The following AMOTL2 variants were observed in gnomAD, a reference collection of about 807,000 sequenced individuals.
AMOTL2 encodes the protein angiomotin-like protein 2.
A neutral mutation model predicts 78.4 loss-of-function variants in AMOTL2; 33 were observed. The ratio of observed to expected loss-of-function variants is 0.42; its 90% CI spans 0.32 to 0.56. The LOEUF (loss-of-function observed/expected upper bound fraction) is 0.56, where lower values mean the gene tolerates loss of function less well. Among genes scored for constraint, AMOTL2 ranks in the 20% least tolerant of loss-of-function variants. The probability of loss-of-function intolerance (pLI) is 0.12; values close to 1 mark genes in which losing one functional copy is unlikely to be tolerated. For synonymous variants in AMOTL2, 422 were observed against 428.8 expected (o/e 0.98, Z 0.20); for missense variants, 983 against 1,030.1 (o/e 0.95, Z 0.63).
chr3:134,367,448 C>T, intron 3 of AMOTL2, 49 bp downstream of exon 3: 1 of 1,594,158 alleles, frequency 6.3e-7, no homozygotes, highest in South Asian at 1.1e-5. Flanking sequence ...CAGGTAGCCC[C>T]TCGGGGTCTC....
At position 134,356,810 on chromosome 3, in the gene AMOTL2, G is replaced by C. The variant is rs1256244388; in HGVS notation, c.*895C>G. On this transcript the variant is annotated 3_prime_UTR_variant, in exon 10 of 10. Coordinates refer to ENST00000249883, the MANE Select transcript of AMOTL2 (RefSeq NM_016201.4). ...AGGATGTTCCAGGGACAGGAGCTGT[G>C]GAGCCACTTCAAGAGGCTGGTGGTG... 1.3e-5 allele frequency: 2 copies of C among 152,686 alleles called. No homozygotes were observed. Among genetic ancestry groups the C allele is most frequent in the Non-Finnish European group, 2.9e-5 (2 of 68,186 alleles). 9.5% of individuals were successfully genotyped at this position (152,686 alleles called of 1,614,324 possible).
rs369656142 is a variant in AMOTL2, at chr3:134,367,693, T to C, written c.845A>G (p.His282Arg). Residue 282 changes from histidine (H) to arginine (R), a missense_variant, in exon 3 of 10, where the codon CAT (histidine) becomes CGT (arginine). By Grantham distance (29) the His-to-Arg change is conservative. Transcript: ENST00000249883. Reference sequence around the variant, plus strand: ...TGGACTGAGGGAGCTCAGGGGGCCATGGCCGAGAGCAGCTGGATGTGGGGG... The same window carrying C: ...TGGACTGAGGGAGCTCAGGGGGCCACGGCCGAGAGCAGCTGGATGTGGGGG... ...PPPPHPAALG[H>R]GPLSSLSPPA... 6.2e-7 allele frequency: 1 copy of C among 1,613,428 alleles called. No individual in the cohort carries two copies. Among genetic ancestry groups the C allele is most frequent in the Non-Finnish European group, 8.5e-7 (1 of 1,179,964 alleles).
Position 134,370,872 on chromosome 3 carries a change from C to T in AMOTL2, c.562G>A (p.Ala188Thr), listed in dbSNP as rs1332654287. The T allele has an allele frequency of 6.2e-7, 1 of 1,608,646 alleles. No individual in the cohort carries two copies. Among genetic ancestry groups the T allele is most frequent in the African/African-American group, 1.3e-5 (1 of 74,946 alleles). ...MSSSHSFPQL[A>T]RNQQGPPLRG... ...AGTGGGGGGCCCTGCTGGTTGCGGG[C>T]CAGCTGTGGGAAGCTGTGGGAGGAG... Residue 188 changes from alanine to threonine, a missense_variant, in exon 2 of 10, where the codon GCC (alanine) becomes ACC (threonine). Coordinates refer to ENST00000249883, the MANE Select transcript of AMOTL2 (RefSeq NM_016201.4).
rs2017364576 is a variant in AMOTL2 at position 134,361,550 on chromosome 3, G to A, written c.1537C>T (p.Arg513Cys). The change falls in exon 6 of 10, where the codon CGC (arginine) becomes TGC (cysteine). Residue 513 changes from arginine (R) to cysteine (C), a missense_variant. Coordinates refer to ENST00000249883, the MANE Select transcript of AMOTL2 (RefSeq NM_016201.4). ...REQLELRLRTRLEQELKALRA... is the reference protein window; with the variant it reads ...REQLELRLRTCLEQELKALRA... ...AGGGCCTTGAGTTCCTGCTCCAGGC[G>A]AGTCCGCAGACGCAGCTCCAGCTGC... 1.7e-5 allele frequency: 28 copies of A among 1,613,112 alleles called. No individual in the cohort carries two copies. The highest frequency in any genetic ancestry group is 2.2e-5 in the Non-Finnish European group (26 of 1,179,790).
At chr3:134,374,300 T>C (rs1052083468) in intron 1 of AMOTL2, 42 bp downstream of exon 1, 5 of 985,320 alleles carry the variant, frequency 5.1e-6, no homozygotes, top group Admixed American at 6.1e-5. Context: ...CACGTTTCTG[T>C]GGCCTCGCGC....
chr3:134,365,665 A>G (rs1451335205), intron 5 of AMOTL2, 152 bp downstream of exon 5: 4 of 643,378 alleles, frequency 6.2e-6, no homozygotes, highest in Non-Finnish European at 1.1e-5. Context: ...CTATCCCCAG[A>G]TCCAGTCTAG....
intron 5 of AMOTL2, 77 bp from the exon 6 acceptor site, chr3:134,361,884 C>T: frequency 8.0e-7 from 1 of 1,254,770 alleles, no homozygotes; most frequent in Admixed American, 2.7e-5. Flanking sequence ...TCAGTGCTGA[C>T]CACTGGATGA....
rs1166778599 is a variant in AMOTL2, at chr3:134,360,170, G to C, written c.1819C>G (p.Pro607Ala). Residue 607 changes from proline (P) to alanine (A), a missense_variant, in exon 7 of 10, where the codon CCC becomes GCC. Pro to Ala is a conservative substitution (Grantham distance 27, BLOSUM62 -1). Coordinates refer to ENST00000249883, the MANE Select transcript of AMOTL2 (RefSeq NM_016201.4). ...AGACCCTCATTGAAGCTGCTGCTGG[G>C]TGAGGGCTGGGGGGAATGTCGGATG... ...TLIRHSPQPS[P>A]SSSFNEGLLT... is the part of the protein sequence containing the mutation. 3.7e-6 allele frequency: 6 copies of C among 1,613,938 alleles called. No individual in the cohort carries two copies. Among genetic ancestry groups the C allele is most frequent in the East Asian group, 2.2e-5 (1 of 44,896 alleles).
upstream of AMOTL2, chr3:134,375,376 T>A: frequency 1.2e-6 from 1 of 836,066 alleles, no homozygotes; most frequent in Non-Finnish European, 2.0e-6. Flanking sequence ...ACACCAGGGC[T>A]CAGAGAGCTT....
upstream of AMOTL2, chr3:134,374,611 C>T (rs1005143781): frequency 1.6e-5 from 16 of 985,376 alleles, no homozygotes; most frequent in Non-Finnish European, 1.9e-5. Flanking sequence ...CCCGCTCCCT[C>T]CTCCCGGCCC....
chr3:134,374,872 C>T, upstream of AMOTL2: 1 of 1,242,952 alleles, frequency 8.0e-7, no homozygotes, highest in South Asian at 1.8e-5. Context: ...CCACGCGTGT[C>T]CTGGGGTTGC....
intron 1 of AMOTL2, among the ~76,000 whole-genome samples, chr3:134,373,328 G>A (rs2017948938): frequency 6.6e-6 from 1 of 152,066 alleles, no homozygotes; most frequent in South Asian, 2.1e-4. Flanking sequence ...GGGAGCGGCA[G>A]GAAGGAATGC....
chr3:134,362,129 C>T (rs946351806), intron 5 of AMOTL2, among the ~76,000 whole-genome samples: 4 of 152,190 alleles, frequency 2.6e-5, no homozygotes, highest in African/African-American at 9.7e-5. Context: ...AAAACACATC[C>T]ACAATATCCC....
chr3:134,360,045 C>A, intron 7 of AMOTL2, 61 bp downstream of exon 7: 2 of 1,517,244 alleles, frequency 1.3e-6, no homozygotes, highest in South Asian at 1.3e-5. Flanking sequence ...AAGGGCAGGG[C>A]AGTGACTGGA....
At position 134,360,966 on chromosome 3, in the gene AMOTL2, G is replaced by A. The variant is rs371942899; in HGVS notation, c.1575+546C>T. 1.0e-3 allele frequency among the ~76,000 whole-genome samples: 158 copies of A among 152,296 alleles called. 1 individual carries two copies. The highest frequency in any genetic ancestry group is 3.8e-3 in the African/African-American group (157 of 41,574). Reference sequence around the variant, plus strand: ...AGGTCGGCGGACCACGTGAGGTCAGGGGTTCAAGACCAGCCTGGCCAATAT... The same window carrying A: ...AGGTCGGCGGACCACGTGAGGTCAGAGGTTCAAGACCAGCCTGGCCAATAT... On this transcript the variant is annotated intron_variant, in intron 6 of 9. Transcript: ENST00000249883.
intron 5 of AMOTL2, 21 bp from the exon 6 acceptor site, chr3:134,361,828 G>A: frequency 6.6e-7 from 1 of 1,507,456 alleles, no homozygotes; most frequent in South Asian, 1.3e-5. Flanking sequence ...AAAGAGGCTT[G>A]ATCAGTGACA....
At chr3:134,359,621 C>A in intron 7 of AMOTL2, 118 bp from the exon 8 acceptor site, 2 of 790,676 alleles carry the variant, frequency 2.5e-6, no homozygotes, top group Non-Finnish European at 4.1e-6. Context: ...CCCTGCCAGG[C>A]TGGATCCTTC....
At chr3:134,369,646 G>A (rs988651586) in intron 2 of AMOTL2, among the ~76,000 whole-genome samples, 3 of 152,178 alleles carry the variant, frequency 2.0e-5, no homozygotes, top group African/African-American at 4.8e-5. Flanking sequence ...CTCATTTCTC[G>A]AGAGCAAGGA....
upstream of AMOTL2, chr3:134,374,613 T>C: frequency 1.0e-6 from 1 of 984,798 alleles, no homozygotes; most frequent in African/African-American, 1.7e-5. Context: ...CGCTCCCTCC[T>C]CCCGGCCCCC....
Sources: allele counts gnomAD v4.1 joint callset (sites outside exome capture counted in the v4.1 genomes callset), GRCh38; gene constraint gnomAD v4.1.1; transcripts MANE v1.5; gene names NCBI Gene and HGNC (gene_info 2026-07-23, HGNC 2026-07-21).